KEL: variants seen among roughly 807,000 people sequenced by gnomAD.
The protein encoded by KEL is kell blood group glycoprotein.
A neutral mutation model predicts 99.5 loss-of-function variants in KEL; 96 were observed. That is an observed-to-expected ratio of 0.97 (90% CI 0.82 to 1.14). The LOEUF is 1.14. Ranked by LOEUF, KEL falls within the 50% of genes most tolerant of loss-of-function variation. KEL has a pLI of 0.00. For missense variants in KEL, 926 were observed against 924.2 expected, an observed-to-expected ratio of 1.00 and a Z score of -0.03; for synonymous variants, 355 against 354.8, an observed-to-expected ratio of 1.00 and a Z score of -0.01.
rs372615948 is a variant in KEL, at chr7:142,942,839, A to C, written c.1941+36T>G. On this transcript the variant is annotated intron_variant, in intron 17 of 18. Coordinates refer to ENST00000355265, the MANE Select transcript of KEL (RefSeq NM_000420.3). ...TTGAGGACATGTTTTCTAGTCTGCC[A>C]GTACACATAAACTGTGGCCCTTGAC... is the stretch of plus-strand genomic sequence containing the variant. The C allele has an allele frequency of 1.4e-5, 22 of 1,611,898 alleles. No individual in the cohort carries two copies. In the African/African-American group the frequency reaches 2.9e-4, roughly 22 times the overall value.
At chr7:142,953,423 C>T (rs769690971) in intron 9 of KEL, 2 of 981,552 alleles carry the variant, frequency 2.0e-6, no homozygotes, top group Non-Finnish European at 2.4e-6. Context: ...CCTCCTCCTG[C>T]CCACAGTCCT....
intron 10 of KEL, among the ~76,000 whole-genome samples, chr7:142,950,486 C>G (rs1796656937): frequency 6.6e-6 from 1 of 152,170 alleles, no homozygotes; most frequent in Non-Finnish European, 1.5e-5. Context: ...GCCCTGTCCC[C>G]ATGAGATGAT....
rs748156673 is a variant in KEL, at chr7:142,958,412, C to T, written c.417G>A (p.Trp139Ter). The change falls in exon 5 of 19, where the codon TGG (tryptophan) becomes TGA (stop). Residue 139 changes from tryptophan to a stop codon, truncating the protein, a stop_gained. Coordinates refer to ENST00000355265, the MANE Select transcript of KEL (RefSeq NM_000420.3). LOFTEE classifies it high-confidence loss of function. ...CTTTCTCCTCCCCAGAGCCTGGGTG[C>T]CAGGAATTCTGGACCTCTAGAAAGG... ...LRRILEVQNS[W>*]HPGSGEEKAF... The T allele has an allele frequency of 1.9e-6, 3 of 1,613,900 alleles. No homozygotes were observed. The highest frequency in any genetic ancestry group is 2.7e-5 in the African/African-American group (2 of 74,922).
At chr7:142,958,457 A>G (rs1278568384) in intron 4 of KEL, 29 bp from the exon 5 acceptor site, 1 of 1,611,762 alleles carries the variant, frequency 6.2e-7, no homozygotes, top group Admixed American at 1.7e-5. Flanking sequence ...AGTGAGGACT[A>G]AACTCTGATT....
chr7:142,943,481 C>T lies in KEL; in HGVS notation c.1703+5G>A, dbSNP rs573103646. 5.7e-4 allele frequency: 912 copies of T among 1,612,366 alleles called. 13 individuals are homozygous for T. The South Asian group carries it at 9.6e-3, about 17-fold the overall frequency. On this transcript the variant is annotated splice_donor_5th_base_variant and intron_variant, in intron 15 of 18. Coordinates refer to ENST00000355265, the MANE Select transcript of KEL (RefSeq NM_000420.3). The stretch of plus-strand genomic sequence containing the variant: ...CCCTACCTACCCTTACAGAGTGACC[C>T]ATACCTGGGATAGCCAGGGTGGAAG...
chr7:142,943,328 G>C lies in KEL; in HGVS notation c.1719C>G (p.Gly573=). The C allele has an allele frequency of 6.2e-7, 1 of 1,614,030 alleles. No individual in the cohort carries two copies. Among genetic ancestry groups the C allele is most frequent in the Non-Finnish European group, 8.5e-7 (1 of 1,179,958 alleles). The part of the protein sequence containing the change: ...HPGYPRAVNF[G]AAGSIMAHEL... Reference sequence around the variant, plus strand: ...CGTGGGCCATGATGCTGCCAGCAGCGCCAAAGTTCACGGCTCTAGGGAGAC... The same window carrying C: ...CGTGGGCCATGATGCTGCCAGCAGCCCCAAAGTTCACGGCTCTAGGGAGAC... The change falls in exon 16 of 19, where the codon GGC becomes GGG. Residue 573 remains glycine (G), a synonymous_variant. Coordinates refer to ENST00000355265, the MANE Select transcript of KEL (RefSeq NM_000420.3).
chr7:142,944,571 T>A, intron 12 of KEL, 72 bp downstream of exon 12: 1 of 1,372,224 alleles, frequency 7.3e-7, no homozygotes, highest in Non-Finnish European at 1.0e-6. Context: ...TTGCTTCCAA[T>A]CCCCATCTCG....
At chr7:142,951,902 T>C (rs527440074) in intron 10 of KEL, among the ~76,000 whole-genome samples, 1 of 152,138 alleles carries the variant, frequency 6.6e-6, no homozygotes, top group South Asian at 2.1e-4. Flanking sequence ...TTTGGATATA[T>C]CCAACTTGGG....
Position 142,960,986 on chromosome 7 carries a change from G to T in KEL, c.342C>A (p.Thr114=). 6.2e-7 allele frequency: 1 copy of T among 1,614,178 alleles called. No homozygotes were observed. The highest frequency in any genetic ancestry group is 8.5e-7 in the Non-Finnish European group (1 of 1,180,028). The change falls in exon 4 of 19, where the codon ACC becomes ACA. Residue 114 remains threonine, a synonymous_variant. Coordinates refer to ENST00000355265, the MANE Select transcript of KEL (RefSeq NM_000420.3). ...TGGCAAGCTCCTGAAAAGAATTATT[G>T]GTCTCTTTGGCCCTTCCACAGGCAA... ...FSFACGRAKE[T]NNSFQELATK...
At position 142,949,728 on chromosome 7, in the gene KEL, C is replaced by T. The variant is rs899848774; in HGVS notation, c.1203+2781G>A. ...TGCCCTTCTCCCTTCAGGATCTTAA[C>T]AGTAGTCTGGACGAAGATACACTGA... is the stretch of plus-strand genomic sequence containing the variant. On this transcript the variant is annotated intron_variant, in intron 10 of 18. Coordinates refer to ENST00000355265, the MANE Select transcript of KEL (RefSeq NM_000420.3). 3.3e-5 allele frequency among the ~76,000 whole-genome samples: 5 copies of T among 151,326 alleles called. No homozygotes were observed. In the East Asian group the frequency reaches 5.8e-4, roughly 17 times the overall value.
intron 11 of KEL, 24 bp from the exon 12 acceptor site, chr7:142,944,765 A>G (rs1049441545): frequency 1.3e-6 from 2 of 1,572,002 alleles, no homozygotes; most frequent in African/African-American, 1.3e-5. Context: ...GTCCAGGGAC[A>G]GGGGGACAGG....
chr7:142,958,865 C>G (rs1466640702), intron 4 of KEL, among the ~76,000 whole-genome samples: 1 of 152,208 alleles, frequency 6.6e-6, no homozygotes, highest in East Asian at 1.9e-4. Context: ...TTATCTTACC[C>G]TGAACATTCC....
At chr7:142,958,066 C>T in intron 5 of KEL, 93 bp from the exon 6 acceptor site, 2 of 1,490,780 alleles carry the variant, frequency 1.3e-6, no homozygotes, top group South Asian at 1.2e-5. Context: ...TACTGCCTGA[C>T]CTCTGCCCTG....
chr7:142,946,844 A>G (rs554122458), intron 10 of KEL, among the ~76,000 whole-genome samples: 2 of 152,324 alleles, frequency 1.3e-5, no homozygotes, highest in South Asian at 4.1e-4. Flanking sequence ...ATCAGAGTAG[A>G]ACTGGGTTTT....
At chr7:142,957,712 T>C in intron 6 of KEL, 115 bp downstream of exon 6, 1 of 1,321,596 alleles carries the variant, frequency 7.6e-7, no homozygotes, top group Non-Finnish European at 1.1e-6. Flanking sequence ...TAGGGTTGTT[T>C]CCTATATCAC....
At chr7:142,945,026 T>G in intron 11 of KEL, 1 of 511,708 alleles carries the variant, frequency 2.0e-6, no homozygotes, top group Non-Finnish European at 3.5e-6. Flanking sequence ...AGAAAGACAG[T>G]GTCCTCACTC....
chr7:142,960,994 T>C lies in KEL; in HGVS notation c.334A>G (p.Lys112Glu), dbSNP rs148292067. 116 of 1,614,130 alleles carry C rather than the reference T, an allele frequency of 7.2e-5. No individual in the cohort carries two copies. The highest frequency in any genetic ancestry group is 9.4e-5 in the Non-Finnish European group (111 of 1,180,048). Residue 112 changes from lysine (K) to glutamate (E), a missense_variant, in exon 4 of 19, where the codon AAA becomes GAA. Lys to Glu is a moderately conservative substitution (Grantham distance 56). Coordinates refer to ENST00000355265, the MANE Select transcript of KEL (RefSeq NM_000420.3). ...DFFSFACGRA[K>E]ETNNSFQELA... ...TCCTGAAAAGAATTATTGGTCTCTT[T>C]GGCCCTTCCACAGGCAAAGCTGAAG...
chr7:142,958,594 T>A (rs1012699927), intron 4 of KEL, among the ~76,000 whole-genome samples, 166 bp from the exon 5 acceptor site: 3 of 152,232 alleles, frequency 2.0e-5, no homozygotes, highest in Non-Finnish European at 4.4e-5. Flanking sequence ...GATTCTGGCA[T>A]AACATTACGA....
intron 6 of KEL, among the ~76,000 whole-genome samples, chr7:142,954,850 C>A (rs895843393): frequency 6.6e-6 from 1 of 152,080 alleles, no homozygotes; most frequent in African/African-American, 2.4e-5. Context: ...AGGTGAGGAA[C>A]CTGTCCCAGG....
Sources: allele counts gnomAD v4.1 joint callset (sites outside exome capture counted in the v4.1 genomes callset), GRCh38; gene constraint gnomAD v4.1.1; transcripts MANE v1.5; gene names NCBI Gene and HGNC (gene_info 2026-07-23, HGNC 2026-07-21).